The following ZNF177 variants were observed in gnomAD, a reference collection of about 807,000 sequenced individuals.
ZNF177 encodes zinc finger protein 177.
In ZNF177, 17 loss-of-function variants were observed where a neutral mutation model predicts 19.4. The observed-to-expected ratio is 0.87, with a 90% CI of 0.60 to 1.31. The LOEUF (loss-of-function observed/expected upper bound fraction) is 1.31, where lower values mean the gene tolerates loss of function less well. ZNF177 is among the 40% of genes most tolerant of loss of function. The probability of loss-of-function intolerance (pLI) is 0.00; values close to 1 mark genes in which losing one functional copy is unlikely to be tolerated. For missense variants in ZNF177, 633 were observed against 561.8 expected, an observed-to-expected ratio of 1.13 and a Z score of -1.28; for synonymous variants, 220 against 188.7, an observed-to-expected ratio of 1.17 and a Z score of -1.36.
intron 5 of ZNF177, 164 bp from the exon 8 acceptor site, chr19:9,380,504 A>T: frequency 7.0e-7 from 1 of 1,420,402 alleles, no homozygotes; most frequent in African/African-American, 1.4e-5. Flanking sequence ...TTCAACTCGA[A>T]AAAGCTAATA....
exon 6 of ZNF177, chr19:9,381,834 A>G (rs2068208165): frequency 1.3e-6 from 2 of 1,528,278 alleles, no homozygotes; most frequent in African/African-American, 1.4e-5. Flanking sequence ...TTTAGAACAT[A>G]TATTGGAGAG....
chr19:9,381,865 G>A (rs1437718434), exon 6 of ZNF177: 30 of 1,503,922 alleles, frequency 2.0e-5, no homozygotes, highest in Admixed American at 2.3e-5. Flanking sequence ...ATGGTCACCT[G>A]GAAACAGCCT....
At chr19:9,379,066 C>T in exon 3 of ZNF177, 2 of 1,609,172 alleles carry the variant, frequency 1.2e-6, no homozygotes, top group Non-Finnish European at 1.7e-6. Flanking sequence ...TGCTGGAGAA[C>T]TTTAGGAACC....
chr19:9,375,011 T>C (rs1320609852), upstream of ZNF177, among the ~76,000 whole-genome samples: 1 of 152,190 alleles, frequency 6.6e-6, no homozygotes, highest in Non-Finnish European at 1.5e-5. Flanking sequence ...TGAAGTACTT[T>C]CCTTCTGTAA....
At chr19:9,375,289 T>G (rs1356747517), upstream of ZNF177, among the ~76,000 whole-genome samples, 1 of 152,154 alleles carries the variant, frequency 6.6e-6, no homozygotes, top group Non-Finnish European at 1.5e-5. Flanking sequence ...GATATTGGCT[T>G]GTAGTTTTTT....
chr19:9,378,034 C>T lies in ZNF177; in HGVS notation c.-53-225C>T, dbSNP rs902881750. Reference sequence around the variant, plus strand: ...TCATTCCTCCTGAGCTGTTAGCAGTCATAAGCCTTTTTAGTGGTTCAGGCT... The same window carrying T: ...TCATTCCTCCTGAGCTGTTAGCAGTTATAAGCCTTTTTAGTGGTTCAGGCT... On this transcript the variant is annotated intron_variant, in intron 1 of 5. Transcript: ENST00000589262. Among the ~76,000 whole-genome samples the T allele has an allele frequency of 3.3e-5, 5 of 152,074 alleles. No individual in the cohort carries two copies. In the South Asian group the frequency reaches 1.0e-3, roughly 32 times the overall value.
At chr19:9,373,504 A>C (rs1261923050), upstream of ZNF177, among the ~76,000 whole-genome samples, 1 of 152,138 alleles carries the variant, frequency 6.6e-6, no homozygotes, top group Non-Finnish European at 1.5e-5. Context: ...TCTATTTTTA[A>C]TATTTTGAGG....
chr19:9,380,117 A>G lies in ZNF177; in HGVS notation c.314A>G (p.Lys105Arg), dbSNP rs370063090. The change falls in exon 5 of 6, where the codon AAA becomes AGA. Residue 105 changes from lysine to arginine, a missense_variant. Transcript: ENST00000589262. Reference sequence around the variant, plus strand: ...GCTATGCAGAACATTCCTGGGGGAAAAACATCCAATGGCATAAACACGGTA... The same window carrying G: ...GCTATGCAGAACATTCCTGGGGGAAGAACATCCAATGGCATAAACACGGTA... The G allele has an allele frequency of 2.5e-6, 4 of 1,611,262 alleles. No homozygotes were observed. In the African/African-American group the frequency reaches 4.0e-5, roughly 16 times the overall value.
chr19:9,378,237 T>C (rs1413013448), intron 1 of ZNF177, 22 bp from the exon 4 acceptor site: 1 of 1,596,420 alleles, frequency 6.3e-7, no homozygotes, highest in Non-Finnish European at 8.5e-7. Context: ...TAGACTCTAA[T>C]GGCTTCTGTG....
At chr19:9,373,371 C>T (rs1256905453), upstream of ZNF177, among the ~76,000 whole-genome samples, 1 of 152,192 alleles carries the variant, frequency 6.6e-6, no homozygotes, top group East Asian at 1.9e-4. Context: ...ACGTTGTTTC[C>T]ATATAGCAGC....
chr19:9,370,983 G>A (rs1483287460), intron 2 of ZNF177, among the ~76,000 whole-genome samples: 1 of 152,222 alleles, frequency 6.6e-6, no homozygotes, highest in Non-Finnish European at 1.5e-5. Flanking sequence ...GGCTATTGAA[G>A]TTTAAATGCT....
intron 1 of ZNF177, among the ~76,000 whole-genome samples, chr19:9,364,378 C>T (rs2067948568): frequency 1.3e-5 from 2 of 152,084 alleles, no homozygotes; most frequent in African/African-American, 4.8e-5. Flanking sequence ...GCAGAGAATT[C>T]ATTAGAGAGA....
chr19:9,382,175 T>G (rs902724168), exon 6 of ZNF177: 1 of 402,876 alleles, frequency 2.5e-6, no homozygotes, highest in African/African-American at 2.1e-5. Context: ...GTAATAAAAT[T>G]TACCATTTAG....
At chr19:9,365,398 CAGAG>C (rs1210261334) in intron 2 of ZNF177, among the ~76,000 whole-genome samples, 3 of 151,052 alleles carry the variant, frequency 2.0e-5, no homozygotes, top group South Asian at 4.2e-4. Flanking sequence ...GGTAGAGACA[CAGAG>C]AGAAGGGACC....
At chr19:9,376,902 A>T (rs990301695) in intron 1 of ZNF177, among the ~76,000 whole-genome samples, 2 of 152,080 alleles carry the variant, frequency 1.3e-5, no homozygotes, top group African/African-American at 4.8e-5. Context: ...CATGTTACTA[A>T]GTGTCCTTTC....
intron 2 of ZNF177, among the ~76,000 whole-genome samples, chr19:9,366,960 G>A (rs2067988060): frequency 6.6e-6 from 1 of 152,224 alleles, no homozygotes; most frequent in Non-Finnish European, 1.5e-5. Flanking sequence ...TTCATGTGCA[G>A]TTGACCTTTT....
chr19:9,367,365 G>T (rs528524992), intron 2 of ZNF177, among the ~76,000 whole-genome samples: 2 of 152,060 alleles, frequency 1.3e-5, no homozygotes, highest in African/African-American at 4.8e-5. Context: ...AATTCAGCCC[G>T]AAAGTTTTCA....
intron 5 of ZNF177, 76 bp from the exon 8 acceptor site, chr19:9,380,592 C>T (rs2122562200): frequency 6.5e-7 from 1 of 1,535,700 alleles, no homozygotes; most frequent in African/African-American, 1.4e-5. Flanking sequence ...ATGGCAGAAT[C>T]CTCATGGAAG....
Position 9,378,382 on chromosome 19 carries a change from C to A in ZNF177, c.33+38C>A, listed in dbSNP as rs375125507. On this transcript the variant is annotated intron_variant, in intron 2 of 5. Transcript: ENST00000589262. ...TTTCTCTATTTCCAAAAGCACACTG[C>A]CATTCCTGAAAAGAACACATCTCTT... 3 of 1,612,492 alleles carry A rather than the reference C, an allele frequency of 1.9e-6. No individual in the cohort carries two copies. The African/African-American group carries it at 4.0e-5, about 22-fold the overall frequency.
Sources: gnomAD v4.1 joint callset for allele counts (sites outside exome capture counted in the v4.1 genomes callset) on GRCh38, gnomAD v4.1.1 for gene constraint, MANE v1.5 for transcripts, NCBI Gene and HGNC (gene_info 2026-07-23, HGNC 2026-07-21) for gene names.